RARB: variants seen among roughly 807,000 people sequenced by gnomAD.
RARB encodes the protein retinoic acid receptor beta, also known as HBV-activated protein.
A neutral mutation model predicts 51.9 loss-of-function variants in RARB; 17 were observed. The observed-to-expected ratio is 0.33, with a 90% CI of 0.22 to 0.49. RARB has a LOEUF of 0.49. Among genes scored for constraint, RARB ranks in the 20% least tolerant of loss-of-function variants. RARB has a pLI of 0.99. For synonymous variants in RARB, 215 were observed against 195.4 expected (o/e 1.10, Z -0.84); for missense variants, 369 against 550.8 (o/e 0.67, Z 3.30).
At chr3:25,502,917 A>G (rs925525659) in intron 3 of RARB, among the ~76,000 whole-genome samples, 1 of 152,200 alleles carries the variant, frequency 6.6e-6, no homozygotes, top group African/African-American at 2.4e-5. Context: ...CACTGCCTCC[A>G]GGTCGTTTTG....
intron 3 of RARB, among the ~76,000 whole-genome samples, chr3:25,078,695 C>A (rs1377252439): frequency 6.6e-6 from 1 of 152,080 alleles, no homozygotes; most frequent in Non-Finnish European, 1.5e-5. Flanking sequence ...CCACGCTTGA[C>A]TAATTTTGTA....
At chr3:25,059,800 A>C (rs575044196) in intron 2 of RARB, among the ~76,000 whole-genome samples, 9 of 151,876 alleles carry the variant, frequency 5.9e-5, no homozygotes, top group African/African-American at 1.9e-4. Context: ...TGTCCCCCCA[A>C]ATCAGAGTTT....
At chr3:24,849,984 C>T (rs748124587) in intron 1 of RARB, among the ~76,000 whole-genome samples, 1 of 152,302 alleles carries the variant, frequency 6.6e-6, no homozygotes, top group East Asian at 1.9e-4. Flanking sequence ...ATTTATAAAG[C>T]ACAGACATTT....
At chr3:25,487,293 C>T (rs141896247) in intron 2 of RARB, among the ~76,000 whole-genome samples, 504 of 152,294 alleles carry the variant, frequency 3.3e-3, no homozygotes, top group Middle Eastern at 0.01. Context: ...ATAATAGACC[C>T]CATTGCTTCT....
chr3:25,366,201 A>G (rs981668459), intron 5 of RARB, among the ~76,000 whole-genome samples: 7 of 152,148 alleles, frequency 4.6e-5, no homozygotes, highest in Admixed American at 2.6e-4. Flanking sequence ...TGTTATTTCT[A>G]TATTACAAAT....
Position 25,438,207 on chromosome 3 carries a change from C to A in RARB, c.157+9319C>A, listed in dbSNP as rs919946059. On this transcript the variant is annotated intron_variant, in intron 1 of 7. Coordinates refer to ENST00000330688, the MANE Select transcript of RARB (RefSeq NM_000965.5). ...AGCAGTATTCCGAGAGAGAGTGTTT[C>A]GAGAGTGAACCTTCCAGGAAGGAGG... is the stretch of plus-strand genomic sequence containing the variant. Among the ~76,000 whole-genome samples, 3 of 152,260 alleles carry A rather than the reference C, an allele frequency of 2.0e-5. No individual in the cohort carries two copies. In the East Asian group the frequency reaches 5.8e-4, roughly 29 times the overall value.
At chr3:24,847,401 T>C (rs998382632) in intron 1 of RARB, among the ~76,000 whole-genome samples, 5 of 152,234 alleles carry the variant, frequency 3.3e-5, no homozygotes, top group Non-Finnish European at 7.3e-5. Context: ...AGGAAGATTG[T>C]TCTTCAAAGT....
chr3:25,311,593 G>T (rs1160327580), intron 5 of RARB, among the ~76,000 whole-genome samples: 1 of 152,240 alleles, frequency 6.6e-6, no homozygotes, highest in East Asian at 1.9e-4. Flanking sequence ...TGCCAGGTCA[G>T]TATTCACAGC....
chr3:25,294,897 G>C (rs67227419), intron 5 of RARB, among the ~76,000 whole-genome samples: 47,723 of 151,996 alleles, frequency 0.31, 8,353 homozygotes, highest in African/African-American at 0.46. Flanking sequence ...CCCTGCTCTG[G>C]TCTTTATCAC....
At chr3:24,845,785 G>A (rs1406479730) in intron 1 of RARB, among the ~76,000 whole-genome samples, 1 of 151,860 alleles carries the variant, frequency 6.6e-6, no homozygotes, top group African/African-American at 2.4e-5. Flanking sequence ...AACAAGAATA[G>A]AATCTTGGCA....
intron 4 of RARB, among the ~76,000 whole-genome samples, chr3:25,142,380 C>A (rs2125337471): frequency 1.3e-5 from 2 of 152,170 alleles, no homozygotes; most frequent in South Asian, 2.1e-4. Context: ...AACTCAGAAC[C>A]ATTGAATCAG....
intron 2 of RARB, among the ~76,000 whole-genome samples, chr3:24,961,726 C>T (rs1696143352): frequency 6.6e-6 from 1 of 152,050 alleles, no homozygotes; most frequent in Non-Finnish European, 1.5e-5. Flanking sequence ...AACTGAGGCT[C>T]CAAAACACCA....
At chr3:24,960,435 G>A (rs73137291) in intron 2 of RARB, among the ~76,000 whole-genome samples, 1,882 of 152,216 alleles carry the variant, frequency 0.012, 32 homozygotes, top group African/African-American at 0.043. Flanking sequence ...CCTATGATGA[G>A]CTCCATTCTT....
Position 25,419,620 on chromosome 3 carries a change from C to T in RARB, c.179-41573C>T, listed in dbSNP as rs568495596. On this transcript the variant is annotated intron_variant, in intron 5 of 11. Coordinates refer to the RARB transcript ENST00000383772. The stretch of plus-strand genomic sequence containing the variant: ...CAGTGTAGTGTGCAGAATGAAAACC[C>T]GAGGACCTTGATTTAAATGCACCTG... Among the ~76,000 whole-genome samples, 10 of 152,230 alleles carry T rather than the reference C, an allele frequency of 6.6e-5. No homozygotes were observed. The South Asian group carries it at 8.3e-4, about 13-fold the overall frequency.
At chr3:25,381,778 C>T (rs1353299419) in intron 5 of RARB, among the ~76,000 whole-genome samples, 1 of 152,140 alleles carries the variant, frequency 6.6e-6, no homozygotes, top group Non-Finnish European at 1.5e-5. Context: ...CTCTGCCCTA[C>T]CCCTGGTCAA....
intron 3 of RARB, among the ~76,000 whole-genome samples, chr3:25,095,813 G>C (rs1699283237): frequency 6.6e-6 from 1 of 152,170 alleles, no homozygotes; most frequent in Non-Finnish European, 1.5e-5. Context: ...TTTCACTTTA[G>C]TCACTTGTAG....
intron 3 of RARB, among the ~76,000 whole-genome samples, chr3:25,535,217 C>T (rs1699089556): frequency 6.6e-6 from 1 of 152,042 alleles, no homozygotes. Context: ...TTTTCTTTTT[C>T]TTAATTAATG....
intron 3 of RARB, among the ~76,000 whole-genome samples, chr3:25,072,454 G>T (rs568272119): frequency 6.6e-6 from 1 of 152,246 alleles, no homozygotes; most frequent in East Asian, 1.9e-4. Flanking sequence ...AAGAAATGAG[G>T]AGCGATACCA....
chr3:25,332,659 C>T (rs534052314), intron 5 of RARB, among the ~76,000 whole-genome samples: 12 of 152,214 alleles, frequency 7.9e-5, no homozygotes, highest in Non-Finnish European at 1.5e-4. Context: ...CAGCATAGTG[C>T]TGGAAGTTCT....
Sources: gnomAD v4.1 joint callset for allele counts (sites outside exome capture counted in the v4.1 genomes callset) on GRCh38, gnomAD v4.1.1 for gene constraint, MANE v1.5 for transcripts, NCBI Gene and HGNC (gene_info 2026-07-23, HGNC 2026-07-21) for gene names.